NIPAL3: variants seen among roughly 807,000 people sequenced by gnomAD.
NIPAL3 encodes the protein NIPA like domain containing 3.
Under a neutral mutation model 47.2 loss-of-function variants are expected in NIPAL3, and 41 were observed. The observed-to-expected ratio is 0.87, with a 90% CI of 0.68 to 1.13. The LOEUF (loss-of-function observed/expected upper bound fraction) is 1.13, where lower values mean the gene tolerates loss of function less well. NIPAL3 is among the 50% of genes most tolerant of loss of function. The probability of loss-of-function intolerance (pLI) is 0.00; values close to 1 mark genes in which losing one functional copy is unlikely to be tolerated. For synonymous variants in NIPAL3, 194 were observed against 209.6 expected, an observed-to-expected ratio of 0.93 and a Z score of 0.64; for missense variants, 449 against 530.1, an observed-to-expected ratio of 0.85 and a Z score of 1.50.
At chr1:24,465,951 C>A in intron 11 of NIPAL3, 2 of 1,561,492 alleles carry the variant, frequency 1.3e-6, no homozygotes, top group African/African-American at 1.4e-5. Flanking sequence ...GGTGCTTTTC[C>A]AGCCACTTGG....
intron 2 of NIPAL3, among the ~76,000 whole-genome samples, chr1:24,425,094 A>G (rs1644514001): frequency 6.6e-6 from 1 of 152,132 alleles, no homozygotes; most frequent in Non-Finnish European, 1.5e-5. Flanking sequence ...TCCCAGCAGG[A>G]CATTGACACT....
chr1:24,453,525 T>C, intron 7 of NIPAL3, 21 bp downstream of exon 7: 2 of 1,588,756 alleles, frequency 1.3e-6, no homozygotes, highest in South Asian at 1.1e-5. Context: ...ATCTGGATGA[T>C]TGAGTTTTGC....
At chr1:24,459,151 C>T (rs537416812) in intron 9 of NIPAL3, among the ~76,000 whole-genome samples, 175 bp downstream of exon 9, 3 of 152,322 alleles carry the variant, frequency 2.0e-5, no homozygotes, top group South Asian at 2.1e-4. Context: ...CCAGCACAGA[C>T]GCACATCAGC....
At chr1:24,448,025 C>G (rs1486884695) in intron 5 of NIPAL3, among the ~76,000 whole-genome samples, 1 of 152,222 alleles carries the variant, frequency 6.6e-6, no homozygotes, top group African/African-American at 2.4e-5. Flanking sequence ...CTGAAGAAAA[C>G]TTTAGATAAC....
At position 24,442,178 on chromosome 1, in the gene NIPAL3, T is replaced by TTCGCGCCGCTGTCACTCA; in HGVS notation, c.290_307dup (p.Ala97_Ile102dup). On this transcript the variant is annotated inframe_insertion, in exon 4 of 12. Coordinates refer to ENST00000374399, the MANE Select transcript of NIPAL3 (RefSeq NM_020448.5). ...GCTGGGTGTGTTCGCCTCCTACGCC[T>TTCGCGCCGCTGTCACTCA]TCGCGCCGCTGTCACTCATCGTGCC... The TTCGCGCCGCTGTCACTCA allele has an allele frequency of 6.2e-7, 1 of 1,614,166 alleles. No individual in the cohort carries two copies. The highest frequency in any genetic ancestry group is 8.5e-7 in the Non-Finnish European group (1 of 1,180,012).
intron 11 of NIPAL3, among the ~76,000 whole-genome samples, 193 bp from the exon 12 acceptor site, chr1:24,468,793 T>C (rs1166501511): frequency 2.0e-5 from 3 of 152,186 alleles, no homozygotes; most frequent in Non-Finnish European, 4.4e-5. Flanking sequence ...TCATCCCTTG[T>C]TGCTTAGCAA....
intron 6 of NIPAL3, among the ~76,000 whole-genome samples, chr1:24,452,835 T>C (rs1274494693): frequency 6.6e-6 from 1 of 150,878 alleles, no homozygotes; most frequent in Non-Finnish European, 1.5e-5. Flanking sequence ...TATAGGCAGA[T>C]GCCACCACGC....
chr1:24,456,304 C>T (rs766290025), intron 8 of NIPAL3, 31 bp downstream of exon 8: 1 of 1,613,994 alleles, frequency 6.2e-7, no homozygotes, highest in South Asian at 1.1e-5. Context: ...CTGCTGGGCC[C>T]TGCCATTCGG....
At position 24,419,450 on chromosome 1, in the gene NIPAL3, G is replaced by C. The variant is rs943808860; in HGVS notation, c.-98G>C. The C allele has an allele frequency of 3.3e-5, 46 of 1,394,178 alleles. No homozygotes were observed. The highest frequency in any genetic ancestry group is 4.1e-5 in the Non-Finnish European group (44 of 1,069,750). The allele number at this position is 1,394,178 out of a possible 1,614,324, so 86.4% of individuals were successfully genotyped here. ...AGGAAGTGACGGCTGCTGGAGGGAGGTGAACACCACAAGGAGAGATGGCAT... is the reference window on the plus strand; with the variant it reads ...AGGAAGTGACGGCTGCTGGAGGGAGCTGAACACCACAAGGAGAGATGGCAT... On this transcript the variant is annotated 5_prime_UTR_variant, in exon 2 of 12. Transcript: ENST00000374399.
intron 2 of NIPAL3, among the ~76,000 whole-genome samples, chr1:24,432,848 G>C (rs1379848855): frequency 6.6e-6 from 1 of 152,206 alleles, no homozygotes; most frequent in Non-Finnish European, 1.5e-5. Context: ...TTTACAACAA[G>C]GCTAGTCTGT....
chr1:24,437,820 C>T (rs1645192818), intron 2 of NIPAL3, among the ~76,000 whole-genome samples: 1 of 152,074 alleles, frequency 6.6e-6, no homozygotes, highest in African/African-American at 2.4e-5. Context: ...CCAATAAGAC[C>T]GTGTCCAATG....
At chr1:24,466,274 G>A in intron 11 of NIPAL3, 4 of 451,396 alleles carry the variant, frequency 8.9e-6, no homozygotes, top group East Asian at 6.9e-5. Flanking sequence ...ACAAGCAGGT[G>A]GAATGGGAAG....
intron 2 of NIPAL3, among the ~76,000 whole-genome samples, 171 bp from the exon 3 acceptor site, chr1:24,440,001 A>G (rs1165348373): frequency 6.6e-6 from 1 of 152,240 alleles, no homozygotes; most frequent in African/African-American, 2.4e-5. Context: ...CAAAGCAGCC[A>G]GATTAACCTT....
At chr1:24,423,867 G>C (rs1012009495) in intron 2 of NIPAL3, among the ~76,000 whole-genome samples, 6 of 152,134 alleles carry the variant, frequency 3.9e-5, no homozygotes, top group African/African-American at 1.4e-4. Context: ...TATTGATCTG[G>C]GGTGTGAGAG....
At chr1:24,445,278 T>A in intron 5 of NIPAL3, 34 bp downstream of exon 5, 1 of 1,444,264 alleles carries the variant, frequency 6.9e-7, no homozygotes, top group Non-Finnish European at 9.7e-7. Flanking sequence ...GTCCTTGATT[T>A]TATATGAACG....
At position 24,454,425 on chromosome 1, in the gene NIPAL3, G is replaced by A; in HGVS notation, c.637+921G>A. Reference sequence around the variant, plus strand: ...TCACGGAAGGGAGTGGGGGTTAAATGAGATGTGCACAGGTGGCTAATATGT... The same window carrying A: ...TCACGGAAGGGAGTGGGGGTTAAATAAGATGTGCACAGGTGGCTAATATGT... On this transcript the variant is annotated intron_variant, in intron 7 of 11. Transcript: ENST00000374399. This position sits in a 1 kb window ranked among gnomAD's most constrained non-coding sequence, Gnocchi z 4.1. The A allele has an allele frequency of 9.7e-7, 1 of 1,031,070 alleles. No homozygotes were observed. The highest frequency in any genetic ancestry group is 1.2e-6 in the Non-Finnish European group (1 of 857,354). The allele number at this position is 1,031,070 out of a possible 1,614,324, so 63.9% of individuals were successfully genotyped here.
At chr1:24,468,025 G>A (rs1052203834) in intron 11 of NIPAL3, among the ~76,000 whole-genome samples, 7 of 151,858 alleles carry the variant, frequency 4.6e-5, no homozygotes, top group Non-Finnish European at 8.8e-5. Flanking sequence ...AAAAGTAATC[G>A]GCCTGGCGAA....
Position 24,454,624 on chromosome 1 carries a change from G to A in NIPAL3, c.637+1120G>A. ...AAAGTATACAATTCAGTGGTTTTTAGTATTTCATAGAGTTGTGAAACCATC... is the reference window on the plus strand; with the variant it reads ...AAAGTATACAATTCAGTGGTTTTTAATATTTCATAGAGTTGTGAAACCATC... On this transcript the variant is annotated intron_variant, in intron 7 of 11. Transcript: ENST00000374399. This position sits in a 1 kb window ranked among gnomAD's most constrained non-coding sequence, Gnocchi z 4.1. The A allele has an allele frequency of 1.2e-6, 1 of 850,036 alleles. No individual in the cohort carries two copies. Among genetic ancestry groups the A allele is most frequent in the Non-Finnish European group, 1.4e-6 (1 of 706,618 alleles). 52.7% of individuals were successfully genotyped at this position (850,036 alleles called of 1,614,324 possible). A position where few individuals can be genotyped will look rare whatever the true frequency, so the allele number is the denominator to read the frequency against.
intron 5 of NIPAL3, among the ~76,000 whole-genome samples, chr1:24,446,068 TCGTGTGTGTGTGTGTGTGTGTG>T (rs944895850): frequency 1.2e-4 from 5 of 40,740 alleles, no homozygotes; most frequent in African/African-American, 4.2e-4. Context: ...GAGATTATAG[TCGTGTGTGTGTGTGTGTGTGTG>T]TGTGTGTGTG....
Sources: allele counts gnomAD v4.1 joint callset (sites outside exome capture counted in the v4.1 genomes callset), GRCh38; gene constraint gnomAD v4.1.1; non-coding constraint Gnocchi (gnomAD v3.1); transcripts MANE v1.5; gene names NCBI Gene and HGNC (gene_info 2026-07-23, HGNC 2026-07-21).